The following AGMO variants were observed in gnomAD, a reference collection of about 807,000 sequenced individuals.
AGMO encodes the protein alkylglycerol monooxygenase, also known as glyceryl-ether monooxygenase.
AGMO carries 75 observed loss-of-function variants against 60.2 expected under a neutral mutation model. The ratio of observed to expected loss-of-function variants is 1.25; its 90% CI spans 1.03 to 1.51. AGMO has a LOEUF of 1.51. Ranked by LOEUF, AGMO falls within the 40% of genes most tolerant of loss-of-function variation. The pLI is 0.00. For synonymous variants in AGMO, 261 were observed against 177.1 expected (o/e 1.47, Z -3.76); for missense variants, 763 against 525.5 (o/e 1.45, Z -4.42).
rs202027803 is a variant in AGMO at position 15,549,823 on chromosome 7, G to A, written c.258-4900C>T. On this transcript the variant is annotated intron_variant, in intron 2 of 12. Transcript: ENST00000342526. ...AGCTCTGCACCAAGCGGACCTAATAGACATCTACAGAACTCTCCACCCCAA... is the reference window on the plus strand; with the variant it reads ...AGCTCTGCACCAAGCGGACCTAATAAACATCTACAGAACTCTCCACCCCAA... Among the ~76,000 whole-genome samples, 262 of 151,462 alleles carry A rather than the reference G, an allele frequency of 1.7e-3. 6 individuals carry two copies. In the East Asian group the frequency reaches 0.04, roughly 23 times the overall value.
chr7:15,144,836 G>A, the AGMO span, among the ~76,000 whole-genome samples: 2 of 152,076 alleles, frequency 1.3e-5, no homozygotes, highest in African/African-American at 4.8e-5. Context: ...GTTTGTTTTT[G>A]TTGTTGTTGT....
At chr7:15,342,657 G>T (rs765018509) in intron 12 of AGMO, among the ~76,000 whole-genome samples, 1 of 149,946 alleles carries the variant, frequency 6.7e-6, no homozygotes, top group East Asian at 1.9e-4. Context: ...TTTTGCGCGC[G>T]TGTGTGTGTG....
At chr7:15,296,953 C>A (rs1175891988) in intron 12 of AGMO, among the ~76,000 whole-genome samples, 1 of 152,094 alleles carries the variant, frequency 6.6e-6, no homozygotes, top group Admixed American at 6.6e-5. Flanking sequence ...ATCTCTTTTC[C>A]GTTTCTCAAA....
rs1782615490 is a variant in AGMO, at chr7:15,477,135, T to TG, written c.410-46028_410-46027insC. ...GACTATTTATTTTAGAACATTCTTT[T>TG]TTTTTACAAAGAGAACTTCTCAAAA... On this transcript the variant is annotated intron_variant, in intron 3 of 12. Coordinates refer to ENST00000342526, the MANE Select transcript of AGMO (RefSeq NM_001004320.2). Among the ~76,000 whole-genome samples, 4 of 152,120 alleles carry TG rather than the reference T, an allele frequency of 2.6e-5. No homozygotes were observed. In the South Asian group the frequency reaches 8.3e-4, roughly 32 times the overall value.
rs143658686 is a variant in AGMO, at chr7:15,374,858, CAT to C, written c.1075-8638_1075-8637del. The stretch of plus-strand genomic sequence containing the variant: ...GAGTACCAAAAAAGGAAGAGTTATG[CAT>C]AGAGAACCCTAAAAATTTGCAGAGT... On this transcript the variant is annotated intron_variant, in intron 10 of 12. Transcript: ENST00000342526. Among the ~76,000 whole-genome samples, 1,487 of 152,118 alleles carry C rather than the reference CAT, an allele frequency of 9.8e-3. 37 individuals carry two copies. The highest frequency in any genetic ancestry group is 0.035 in the African/African-American group (1,454 of 41,448).
At chr7:15,370,298 C>T (rs1024121368) in intron 10 of AGMO, among the ~76,000 whole-genome samples, 4 of 152,154 alleles carry the variant, frequency 2.6e-5, no homozygotes, top group African/African-American at 9.7e-5. Context: ...ACAACCAATC[C>T]TCCGTTGGTG....
the AGMO span, among the ~76,000 whole-genome samples, chr7:15,136,829 T>C: frequency 6.6e-6 from 1 of 152,040 alleles, no homozygotes; most frequent in Non-Finnish European, 1.5e-5. Context: ...CTTGTCAAGT[T>C]TTCCCCCTCC....
rs1451852493 is a variant in AGMO, at chr7:15,315,369, C to T, written c.1263+50145G>A. Among the ~76,000 whole-genome samples the T allele has an allele frequency of 2.8e-5, 3 of 105,940 alleles. No individual in the cohort carries two copies. The Admixed American group carries it at 4.5e-4, about 16-fold the overall frequency. 69.5% of individuals were successfully genotyped at this position (105,940 alleles called of 152,430 possible). A position where few individuals can be genotyped will look rare whatever the true frequency, so the allele number is the denominator to read the frequency against. ...TTTTTTTTTTTTTGAGACAGAGTCT[C>T]ACCCTGTTGCCAGGCTGGAGTGTAG... On this transcript the variant is annotated intron_variant, in intron 12 of 12. Transcript: ENST00000342526.
chr7:15,277,155 A>G (rs1032158779), intron 12 of AGMO, among the ~76,000 whole-genome samples: 2 of 152,056 alleles, frequency 1.3e-5, no homozygotes, highest in East Asian at 3.9e-4. Context: ...TAAAAATACA[A>G]CAATTAGGTG....
intron 3 of AGMO, among the ~76,000 whole-genome samples, chr7:15,466,732 G>T (rs952178666): frequency 2.6e-5 from 4 of 152,118 alleles, no homozygotes; most frequent in Non-Finnish European, 4.4e-5. Context: ...AGGAGTTAAA[G>T]AAATTATTTG....
At chr7:15,444,117 CA>C (rs1180445668) in intron 3 of AGMO, among the ~76,000 whole-genome samples, 2 of 152,130 alleles carry the variant, frequency 1.3e-5, no homozygotes, top group Non-Finnish European at 2.9e-5. Flanking sequence ...TTTTCCACAG[CA>C]TCTACCGTTG....
At chr7:15,377,971 G>A (rs1239379190) in intron 10 of AGMO, among the ~76,000 whole-genome samples, 3 of 151,962 alleles carry the variant, frequency 2.0e-5, no homozygotes, top group Non-Finnish European at 2.9e-5. Context: ...CATTTTGGGG[G>A]CTAAAGCCAA....
intron 10 of AGMO, among the ~76,000 whole-genome samples, chr7:15,368,904 A>C (rs1783091561): frequency 1.3e-5 from 2 of 152,116 alleles, no homozygotes; most frequent in Admixed American, 6.6e-5. Flanking sequence ...GGAATCCACC[A>C]CCTAGTCAAC....
At chr7:15,556,302 A>G (rs1785137522) in intron 2 of AGMO, among the ~76,000 whole-genome samples, 1 of 150,030 alleles carries the variant, frequency 6.7e-6, no homozygotes, top group African/African-American at 2.4e-5. Context: ...GGCCAGTAAA[A>G]GTATGCATAT....
At chr7:15,310,635 A>G (rs1453719734) in intron 12 of AGMO, among the ~76,000 whole-genome samples, 4 of 152,168 alleles carry the variant, frequency 2.6e-5, no homozygotes, top group Non-Finnish European at 4.4e-5. Flanking sequence ...TACATTCTTT[A>G]TAAAATGAGG....
intron 12 of AGMO, among the ~76,000 whole-genome samples, chr7:15,257,507 A>C (rs1583335160): frequency 1.3e-5 from 2 of 152,216 alleles, no homozygotes; most frequent in African/African-American, 4.8e-5. Context: ...CAACTTTCCT[A>C]ATTGTAAATA....
chr7:15,353,378 T>C (rs898713813), intron 12 of AGMO, among the ~76,000 whole-genome samples: 53 of 152,240 alleles, frequency 3.5e-4, no homozygotes, highest in African/African-American at 1.1e-3. Flanking sequence ...ATCTAATTAA[T>C]GGGGATTGTA....
chr7:15,339,650 T>C (rs546013836), intron 12 of AGMO, among the ~76,000 whole-genome samples: 19 of 152,278 alleles, frequency 1.2e-4, no homozygotes, highest in African/African-American at 4.1e-4. Flanking sequence ...TAAAGTTATA[T>C]AGACTGTTTA....
At chr7:15,281,900 C>G (rs1249293345) in intron 12 of AGMO, among the ~76,000 whole-genome samples, 1 of 152,154 alleles carries the variant, frequency 6.6e-6, no homozygotes, top group Non-Finnish European at 1.5e-5. Flanking sequence ...ATACACCAAA[C>G]ACATTGCTAC....
Sources: allele counts gnomAD v4.1 joint callset (sites outside exome capture counted in the v4.1 genomes callset), GRCh38; gene constraint gnomAD v4.1.1; transcripts MANE v1.5; gene names NCBI Gene and HGNC (gene_info 2026-07-23, HGNC 2026-07-21).